Variants in RAB3IP observed in about 807,000 individuals in gnomAD.
RAB3IP encodes the protein rab-3A-interacting protein.
A neutral mutation model predicts 59.1 loss-of-function variants in RAB3IP; 36 were observed. The observed-to-expected ratio is 0.61, with a 90% CI of 0.47 to 0.80. The LOEUF (loss-of-function observed/expected upper bound fraction) is 0.80. Ranked by LOEUF, RAB3IP falls within the 30% of genes least tolerant of loss-of-function variation. The probability of loss-of-function intolerance (pLI) is 0.00; values close to 1 mark genes in which losing one functional copy is unlikely to be tolerated. For missense variants in RAB3IP, 511 were observed against 536.0 expected (o/e 0.95, Z 0.46); for synonymous variants, 207 against 191.2 (o/e 1.08, Z -0.68).
chr12:69,791,325 T>C (rs1253553658), intron 4 of RAB3IP, among the ~76,000 whole-genome samples: 1 of 151,988 alleles, frequency 6.6e-6, no homozygotes, highest in Non-Finnish European at 1.5e-5. Context: ...AAAAACAAAA[T>C]GGACAAGTGG....
At chr12:69,807,871 C>T (rs1178149174) in intron 8 of RAB3IP, among the ~76,000 whole-genome samples, 18 of 141,268 alleles carry the variant, frequency 1.3e-4, no homozygotes, top group African/African-American at 4.3e-4. Context: ...CCAGACGGGG[C>T]GGCCGGGCGG....
chr12:69,765,893 G>A (rs556981783), intron 3 of RAB3IP, among the ~76,000 whole-genome samples: 2 of 152,132 alleles, frequency 1.3e-5, no homozygotes, highest in East Asian at 3.8e-4. Flanking sequence ...TTTCTCCTTT[G>A]CTTATGAAGC....
At chr12:69,809,260 G>A (rs974507865) in intron 8 of RAB3IP, among the ~76,000 whole-genome samples, 6 of 152,106 alleles carry the variant, frequency 3.9e-5, no homozygotes, top group East Asian at 1.9e-4. Flanking sequence ...AGTTTCTGCC[G>A]AGAGATCAGC....
chr12:69,799,203 A>G (rs191440908), intron 6 of RAB3IP, among the ~76,000 whole-genome samples: 2 of 152,320 alleles, frequency 1.3e-5, no homozygotes, highest in East Asian at 3.9e-4. Context: ...GCTCTATGTT[A>G]CATTTTTGTA....
chr12:69,754,191 A>T (rs1296503069), intron 1 of RAB3IP, among the ~76,000 whole-genome samples: 1 of 152,164 alleles, frequency 6.6e-6, no homozygotes, highest in Non-Finnish European at 1.5e-5. Context: ...CATATAAAGG[A>T]TATTATTGGA....
In RAB3IP at chr12:69,794,445, TA is replaced by T; in HGVS notation, c.619del (p.Met207TrpfsTer2). The T allele has an allele frequency of 6.2e-7, 1 of 1,611,284 alleles. No individual in the cohort carries two copies. The highest frequency in any genetic ancestry group is 1.1e-5 in the South Asian group (1 of 90,254). On this transcript the variant is annotated frameshift_variant, in exon 5 of 11. Transcript: ENST00000247833. LOFTEE classifies it high-confidence loss of function. ...GATGTTAACTTTTTCAGGAAGCTCATAAAATGGTGAGAGAAGCAAATATCAA... is the reference window on the plus strand; with the variant it reads ...GATGTTAACTTTTTCAGGAAGCTCATAAATGGTGAGAGAAGCAAATATCAA... ...LTASLFEEAH[K>X]MVREANIKQA...
chr12:69,808,516 C>A (rs1250898190), intron 8 of RAB3IP, among the ~76,000 whole-genome samples: 2 of 152,082 alleles, frequency 1.3e-5, no homozygotes, highest in African/African-American at 4.8e-5. Context: ...TAAAGTCTCC[C>A]ATTATTATTG....
chr12:69,807,073 G>T (rs1433547080), intron 8 of RAB3IP, among the ~76,000 whole-genome samples: 1 of 152,140 alleles, frequency 6.6e-6, no homozygotes, highest in East Asian at 1.9e-4. Flanking sequence ...ATCATGGCCT[G>T]TTCTCGACGG....
At chr12:69,800,420 ATC>A in intron 7 of RAB3IP, 83 bp downstream of exon 7, 1 of 765,340 alleles carries the variant, frequency 1.3e-6, no homozygotes. Flanking sequence ...ATATTTTAAT[ATC>A]TCTTACATAA....
chr12:69,766,955 G>T (rs1872308880), intron 3 of RAB3IP, among the ~76,000 whole-genome samples: 1 of 152,124 alleles, frequency 6.6e-6, no homozygotes, highest in Non-Finnish European at 1.5e-5. Flanking sequence ...TTCATGTTTT[G>T]AATTCTTTAT....
chr12:69,739,912 A>G, intron 1 of RAB3IP: 1 of 1,599,560 alleles, frequency 6.3e-7, no homozygotes, highest in South Asian at 1.1e-5. Context: ...GTTAGTACTG[A>G]TTACTGAGAG....
intron 3 of RAB3IP, among the ~76,000 whole-genome samples, chr12:69,766,747 A>G (rs544775514): frequency 1.3e-3 from 203 of 151,668 alleles, no homozygotes; most frequent in African/African-American, 4.7e-3. Flanking sequence ...GCTGGTCTTG[A>G]ACTCCTGACC....
intron 8 of RAB3IP, among the ~76,000 whole-genome samples, chr12:69,804,413 A>G (rs949772361): frequency 1.3e-5 from 2 of 152,148 alleles, no homozygotes; most frequent in Non-Finnish European, 2.9e-5. Context: ...TCAGATGAGT[A>G]GGTTGCAAAA....
chr12:69,778,428 C>G (rs961700587), intron 3 of RAB3IP, among the ~76,000 whole-genome samples: 1 of 137,926 alleles, frequency 7.3e-6, no homozygotes, highest in Non-Finnish European at 1.6e-5. Context: ...CAAAATCATT[C>G]TCCATCCAGC....
rs971393509 is a variant in RAB3IP, at chr12:69,761,750, G to A, written c.510+5087G>A. On this transcript the variant is annotated intron_variant, in intron 3 of 10. Coordinates refer to ENST00000247833, the MANE Select transcript of RAB3IP (RefSeq NM_022456.5). ...TATACAAGTGTTTGTATACACACATGCCTGATATATTAGGGTGATGCTTAT... is the reference window on the plus strand; with the variant it reads ...TATACAAGTGTTTGTATACACACATACCTGATATATTAGGGTGATGCTTAT... Among the ~76,000 whole-genome samples the A allele has an allele frequency of 2.6e-5, 4 of 152,160 alleles. No individual in the cohort carries two copies. In the East Asian group the frequency reaches 5.8e-4, roughly 22 times the overall value.
At chr12:69,782,118 A>G (rs1484469415) in intron 3 of RAB3IP, among the ~76,000 whole-genome samples, 1 of 152,052 alleles carries the variant, frequency 6.6e-6, no homozygotes, top group African/African-American at 2.4e-5. Context: ...TCGTGTTCTG[A>G]GTTTTGGCCA....
chr12:69,806,354 AT>A (rs1328857229), intron 8 of RAB3IP, among the ~76,000 whole-genome samples: 51 of 152,180 alleles, frequency 3.4e-4, no homozygotes, highest in African/African-American at 1.1e-3. Flanking sequence ...CCCCTTTATC[AT>A]TTTTTATTGC....
intron 3 of RAB3IP, among the ~76,000 whole-genome samples, chr12:69,780,945 C>T (rs1874596823): frequency 1.3e-5 from 2 of 152,048 alleles, no homozygotes; most frequent in African/African-American, 2.4e-5. Flanking sequence ...CTGTCTCTTC[C>T]CTTTTCCTGT....
chr12:69,769,493 C>T (rs188738226), intron 3 of RAB3IP, among the ~76,000 whole-genome samples: 34 of 152,290 alleles, frequency 2.2e-4, no homozygotes, highest in African/African-American at 7.7e-4. Flanking sequence ...GACACTATCA[C>T]GGGGGCTGTT....
Sources: gnomAD v4.1 joint callset for allele counts (sites outside exome capture counted in the v4.1 genomes callset) on GRCh38, gnomAD v4.1.1 for gene constraint, MANE v1.5 for transcripts, NCBI Gene and HGNC (gene_info 2026-07-23, HGNC 2026-07-21) for gene names.